Variants in RBL1 observed in about 807,000 individuals in gnomAD.
RBL1 encodes the protein RB transcriptional corepressor like 1.
RBL1 carries 82 observed loss-of-function variants against 123.0 expected under a neutral mutation model. The observed-to-expected ratio is 0.67, with a 90% confidence interval of 0.56 to 0.80. The LOEUF (loss-of-function observed/expected upper bound fraction) is 0.80. RBL1 is among the 30% of genes least tolerant of loss of function. The pLI, the probability that RBL1 is intolerant of heterozygous loss-of-function variation, is 0.00. For synonymous variants in RBL1, 405 were observed against 441.3 expected, an observed-to-expected ratio of 0.92 and a Z score of 1.03; for missense variants, 1,171 against 1,299.6, an observed-to-expected ratio of 0.90 and a Z score of 1.52.
chr20:37,036,924 C>T (rs953157758), intron 14 of RBL1, among the ~76,000 whole-genome samples: 1 of 152,096 alleles, frequency 6.6e-6, no homozygotes, highest in African/African-American at 2.4e-5. Flanking sequence ...TGCGCCTGGC[C>T]CTGTAATCTA....
At chr20:37,095,721 G>A (rs1600628267) in intron 1 of RBL1, 52 bp downstream of exon 1, 10 of 1,497,144 alleles carry the variant, frequency 6.7e-6, no homozygotes, top group Non-Finnish European at 9.0e-6. Context: ...GGCGGGGCAG[G>A]GGTGGGGCCT....
chr20:37,083,097 TTTTG>T (rs1249870913), intron 2 of RBL1, among the ~76,000 whole-genome samples: 10 of 152,306 alleles, frequency 6.6e-5, no homozygotes, highest in African/African-American at 2.2e-4. Context: ...CATTTGAAAT[TTTTG>T]TTTATTTCTC....
In RBL1 at chr20:37,066,704, T is replaced by A; in HGVS notation, c.846+20A>T. On this transcript the variant is annotated intron_variant, in intron 6 of 21. Coordinates refer to ENST00000373664, the MANE Select transcript of RBL1 (RefSeq NM_002895.5). Reference sequence around the variant, plus strand: ...TGGTGATCTGTAAACATCTCAGTCATCTAATTATAAGTACAGTACCTTCCT... The same window carrying A: ...TGGTGATCTGTAAACATCTCAGTCAACTAATTATAAGTACAGTACCTTCCT... 2 of 1,591,172 alleles carry A rather than the reference T, an allele frequency of 1.3e-6. No individual in the cohort carries two copies. Among genetic ancestry groups the A allele is most frequent in the Non-Finnish European group, 1.7e-6 (2 of 1,165,510 alleles).
chr20:37,072,433 C>T (rs573746908), intron 2 of RBL1, among the ~76,000 whole-genome samples: 3 of 151,500 alleles, frequency 2.0e-5, no homozygotes, highest in African/African-American at 4.8e-5. Context: ...TGCGGGGAGG[C>T]GGAAGTTGCG....
Position 37,032,655 on chromosome 20 carries a change from A to G in RBL1, c.2382+10T>C. On this transcript the variant is annotated intron_variant, in intron 16 of 21. Coordinates refer to ENST00000373664, the MANE Select transcript of RBL1 (RefSeq NM_002895.5). ...AACAAATTCTTCTAAAGTGCTATAA[A>G]AACACATACCTTTCTGTAAAATAGT... 2 of 1,613,572 alleles carry G rather than the reference A, an allele frequency of 1.2e-6. No individual in the cohort carries two copies. The highest frequency in any genetic ancestry group is 4.5e-5 in the East Asian group (2 of 44,830).
intron 6 of RBL1, among the ~76,000 whole-genome samples, chr20:37,066,352 T>C (rs1028200957): frequency 1.3e-5 from 2 of 152,234 alleles, no homozygotes; most frequent in Admixed American, 6.5e-5. Flanking sequence ...TCATCCTACT[T>C]TTAGTCAACA....
At chr20:37,030,103 ACT>A (rs767408234) in intron 16 of RBL1, among the ~76,000 whole-genome samples, 2 of 152,174 alleles carry the variant, frequency 1.3e-5, no homozygotes, top group Non-Finnish European at 2.9e-5. Flanking sequence ...ACTCATACAG[ACT>A]CTCAAGAAAT....
chr20:37,085,647 ATTTTT>A (rs1202673380), intron 2 of RBL1, among the ~76,000 whole-genome samples: 7 of 84,606 alleles, frequency 8.3e-5, no homozygotes, highest in Non-Finnish European at 1.3e-4. Flanking sequence ...TTGAAATTTG[ATTTTT>A]TTTTTTTTTT....
intron 11 of RBL1, among the ~76,000 whole-genome samples, chr20:37,047,838 G>C (rs1397705773): frequency 6.6e-6 from 1 of 151,750 alleles, no homozygotes; most frequent in African/African-American, 2.4e-5. Flanking sequence ...AAATTAGCTG[G>C]GTGTGGTGGC....
At chr20:37,015,708 G>A (rs1182363764) in intron 19 of RBL1, among the ~76,000 whole-genome samples, 3 of 150,820 alleles carry the variant, frequency 2.0e-5, no homozygotes, top group Admixed American at 6.6e-5. Flanking sequence ...GGGATTACAG[G>A]CGTGAGCCAC....
At chr20:37,035,122 A>AAG in intron 15 of RBL1, 120 bp downstream of exon 15, 2 of 1,053,968 alleles carry the variant, frequency 1.9e-6, no homozygotes, top group South Asian at 1.8e-5. Flanking sequence ...TATTTAAAAA[A>AAG]AAAAAGTATA....
At position 36,997,889 on chromosome 20, in the gene RBL1, T is replaced by C. The variant is rs1043712199; in HGVS notation, c.*870A>G. The C allele has an allele frequency of 2.0e-5, 3 of 151,806 alleles. No individual in the cohort carries two copies. The highest frequency in any genetic ancestry group is 2.9e-5 in the Non-Finnish European group (2 of 67,994). 9.4% of individuals were successfully genotyped at this position (151,806 alleles called of 1,614,324 possible). ...TGTAGCACTGGGGCTCAGGTACAAA[T>C]CTGTTTATAAAGCTCAAGGAGAGAA... On this transcript the variant is annotated 3_prime_UTR_variant, in exon 22 of 22. Coordinates refer to ENST00000373664, the MANE Select transcript of RBL1 (RefSeq NM_002895.5).
chr20:37,062,432 A>G (rs2065111269), intron 7 of RBL1, among the ~76,000 whole-genome samples, 162 bp from the exon 8 acceptor site: 1 of 152,160 alleles, frequency 6.6e-6, no homozygotes, highest in Non-Finnish European at 1.5e-5. Flanking sequence ...CTGATTATGG[A>G]CATTCTTCAA....
At chr20:37,008,404 C>A (rs1348994500) in intron 19 of RBL1, among the ~76,000 whole-genome samples, 1 of 152,180 alleles carries the variant, frequency 6.6e-6, no homozygotes, top group East Asian at 1.9e-4. Flanking sequence ...AACAGGAACC[C>A]TGATCAGGAA....
intron 14 of RBL1, among the ~76,000 whole-genome samples, chr20:37,036,333 A>C (rs1245711887): frequency 6.6e-6 from 1 of 152,222 alleles, no homozygotes; most frequent in Non-Finnish European, 1.5e-5. Flanking sequence ...GCTGGAGTGC[A>C]GTGGCACGAT....
At chr20:37,003,915 T>C (rs2064027927) in intron 20 of RBL1, 49 bp from the exon 21 acceptor site, 2 of 1,492,490 alleles carry the variant, frequency 1.3e-6, no homozygotes, top group South Asian at 1.3e-5. Flanking sequence ...TTTTCTTTGT[T>C]TTTGAATCCC....
chr20:37,039,300 A>G (rs1371536613), intron 14 of RBL1, among the ~76,000 whole-genome samples: 1 of 152,206 alleles, frequency 6.6e-6, no homozygotes, highest in Non-Finnish European at 1.5e-5. Context: ...ATACACAGGC[A>G]AAGGAAGAAT....
intron 14 of RBL1, among the ~76,000 whole-genome samples, chr20:37,039,623 T>C (rs1351662651): frequency 6.6e-6 from 1 of 152,212 alleles, no homozygotes; most frequent in Non-Finnish European, 1.5e-5. Context: ...TCCCCAGCCA[T>C]GTGGAACTGT....
At chr20:37,041,477 A>G (rs2064725508) in intron 13 of RBL1, among the ~76,000 whole-genome samples, 1 of 152,054 alleles carries the variant, frequency 6.6e-6, no homozygotes, top group Admixed American at 6.6e-5. Flanking sequence ...GTGTGCCACC[A>G]TGCCCAGCTA....
Sources: allele counts gnomAD v4.1 joint callset (sites outside exome capture counted in the v4.1 genomes callset), GRCh38; gene constraint gnomAD v4.1.1; transcripts MANE v1.5; gene names NCBI Gene and HGNC (gene_info 2026-07-23, HGNC 2026-07-21).